The following ULK4 variants were observed in gnomAD, a reference collection of about 807,000 sequenced individuals.
The protein encoded by ULK4 is inactive serine/threonine-protein kinase ULK4.
A neutral mutation model predicts 160.6 loss-of-function variants in ULK4; 133 were observed. That is an observed-to-expected ratio of 0.83 (90% CI 0.72 to 0.96). ULK4 has a LOEUF of 0.96. ULK4 is among the 40% of genes least tolerant of loss of function. ULK4 has a pLI of 0.00. For missense variants in ULK4, 1,580 were observed against 1,499.5 expected, an observed-to-expected ratio of 1.05 and a Z score of -0.89; for synonymous variants, 534 against 539.8, an observed-to-expected ratio of 0.99 and a Z score of 0.15.
chr3:41,382,418 A>G (rs2081678123), intron 35 of ULK4, among the ~76,000 whole-genome samples: 1 of 152,234 alleles, frequency 6.6e-6, no homozygotes, highest in South Asian at 2.1e-4. Flanking sequence ...ATATTGTTAA[A>G]AGACAAAATA....
intron 35 of ULK4, among the ~76,000 whole-genome samples, chr3:41,275,762 C>G (rs1160064494): frequency 1.3e-5 from 2 of 152,210 alleles, no homozygotes; most frequent in Non-Finnish European, 2.9e-5. Context: ...ATCTTTCTAA[C>G]ATTTCCAGAG....
intron 21 of ULK4, among the ~76,000 whole-genome samples, chr3:41,766,185 T>G (rs2039155584): frequency 2.4e-5 from 3 of 123,416 alleles, no homozygotes; most frequent in Admixed American, 2.4e-4. Flanking sequence ...AGAGAATTGC[T>G]TGAACCTGGG....
chr3:41,830,731 C>T (rs2041551923), intron 18 of ULK4, among the ~76,000 whole-genome samples: 1 of 151,892 alleles, frequency 6.6e-6, no homozygotes. Flanking sequence ...TTTTGACACC[C>T]TTAAAATGCA....
chr3:41,621,550 T>C (rs973418802), intron 30 of ULK4, among the ~76,000 whole-genome samples: 1 of 152,190 alleles, frequency 6.6e-6, no homozygotes, highest in Admixed American at 6.5e-5. Context: ...CTTGGAAAAC[T>C]GGTTAGCCAC....
chr3:41,671,721 G>C (rs1181246402), intron 29 of ULK4, among the ~76,000 whole-genome samples: 1 of 151,968 alleles, frequency 6.6e-6, no homozygotes, highest in Non-Finnish European at 1.5e-5. Context: ...ATAGACAAAT[G>C]GGACTATATT....
intron 35 of ULK4, among the ~76,000 whole-genome samples, chr3:41,252,239 A>C (rs1049878639): frequency 1.5e-4 from 23 of 152,224 alleles, no homozygotes; most frequent in African/African-American, 5.3e-4. Context: ...ACAATTCAAA[A>C]TTACTTGGCA....
At chr3:41,561,022 T>C (rs2087546807) in intron 32 of ULK4, among the ~76,000 whole-genome samples, 1 of 152,226 alleles carries the variant, frequency 6.6e-6, no homozygotes, top group African/African-American at 2.4e-5. Context: ...GCTCTTCTTA[T>C]TTTGAGATAC....
intron 32 of ULK4, among the ~76,000 whole-genome samples, chr3:41,515,695 C>A (rs150247836): frequency 1.3e-5 from 2 of 152,118 alleles, no homozygotes; most frequent in Admixed American, 6.5e-5. Flanking sequence ...TCTCATGAGA[C>A]GCACTCATTA....
chr3:41,942,492 C>T (rs149045041), intron 2 of ULK4, among the ~76,000 whole-genome samples: 266 of 152,230 alleles, frequency 1.7e-3, no homozygotes, highest in Non-Finnish European at 3.0e-3. Context: ...GCACTCCAGC[C>T]TGGGTGGCAG....
At chr3:41,614,994 TC>T (rs1269738007) in intron 31 of ULK4, among the ~76,000 whole-genome samples, 1 of 152,164 alleles carries the variant, frequency 6.6e-6, no homozygotes, top group Non-Finnish European at 1.5e-5. Flanking sequence ...AGAGAACCTT[TC>T]TTTGGCAATG....
At chr3:41,950,619 G>A (rs1700259928) in intron 2 of ULK4, among the ~76,000 whole-genome samples, 1 of 151,892 alleles carries the variant, frequency 6.6e-6, no homozygotes, top group African/African-American at 2.4e-5. Context: ...AAACTCCTGA[G>A]CTCAAGCAAT....
intron 35 of ULK4, among the ~76,000 whole-genome samples, chr3:41,343,592 CCACGCCTGACCAATGATA>C (rs1353211632): frequency 6.6e-6 from 1 of 152,142 alleles, no homozygotes; most frequent in African/African-American, 2.4e-5. Context: ...GCGTGAGCCA[CCACGCCTGACCAATGATA>C]CTCTCAAAAA....
intron 30 of ULK4, among the ~76,000 whole-genome samples, chr3:41,646,610 ATG>A (rs1480703155): frequency 6.6e-6 from 1 of 152,090 alleles, no homozygotes; most frequent in Non-Finnish European, 1.5e-5. Flanking sequence ...ACCTTTCTCT[ATG>A]GCTGCCCTTA....
At chr3:41,548,945 G>A (rs79503880) in intron 32 of ULK4, among the ~76,000 whole-genome samples, 3,127 of 152,206 alleles carry the variant, frequency 0.021, 114 homozygotes, top group African/African-American at 0.072. Flanking sequence ...GCTGACTGCA[G>A]CCAAAGAAAT....
chr3:41,956,403 C>A (rs573946090), intron 1 of ULK4, among the ~76,000 whole-genome samples: 6 of 152,214 alleles, frequency 3.9e-5, no homozygotes, highest in Admixed American at 3.9e-4. Context: ...AGTGTACTTT[C>A]GTTTTCAATA....
chr3:41,917,897 G>A (rs1699025443), intron 7 of ULK4, among the ~76,000 whole-genome samples: 1 of 152,068 alleles, frequency 6.6e-6, no homozygotes, highest in South Asian at 2.1e-4. Context: ...TGAGGCAGGA[G>A]AACTGCTTGA....
intron 32 of ULK4, among the ~76,000 whole-genome samples, chr3:41,499,524 G>C (rs2125914891): frequency 6.6e-6 from 1 of 152,238 alleles, no homozygotes; most frequent in East Asian, 1.9e-4. Context: ...AATACGTGGT[G>C]GGCTCACAGC....
At chr3:41,736,884 G>A (rs1191302763) in intron 22 of ULK4, among the ~76,000 whole-genome samples, 1 of 151,122 alleles carries the variant, frequency 6.6e-6, no homozygotes, top group African/African-American at 2.5e-5. Context: ...GTGTAAGGAA[G>A]GGATCCAGTT....
At chr3:41,589,430 C>CAAAAA (rs34913730) in intron 31 of ULK4, among the ~76,000 whole-genome samples, 55 of 72,004 alleles carry the variant, frequency 7.6e-4, no homozygotes, top group South Asian at 1.6e-3. Context: ...AAGGCCAGGC[C>CAAAAA]AAAAAAAAAA....
Sources: allele counts gnomAD v4.1 joint callset (sites outside exome capture counted in the v4.1 genomes callset), GRCh38; gene constraint gnomAD v4.1.1; transcripts MANE v1.5; gene names NCBI Gene and HGNC (gene_info 2026-07-23, HGNC 2026-07-21).